DDX60: variants seen among roughly 807,000 people sequenced by gnomAD.
DDX60 encodes probable ATP-dependent RNA helicase DDX60.
DDX60 carries 165 observed loss-of-function variants against 212.8 expected under a neutral mutation model. That is an observed-to-expected ratio of 0.78 (90% CI 0.68 to 0.88). The LOEUF is 0.88. Among genes scored for constraint, DDX60 ranks in the 40% least tolerant of loss-of-function variants. The pLI is 0.00. For missense variants in DDX60, 1,905 were observed against 2,003.9 expected, an observed-to-expected ratio of 0.95 and a Z score of 0.94; for synonymous variants, 703 against 685.3, an observed-to-expected ratio of 1.03 and a Z score of -0.40.
rs192992174 is a variant in DDX60 at position 168,303,226 on chromosome 4, C to T, written c.607-810G>A. On this transcript the variant is annotated intron_variant, in intron 5 of 37. Transcript: ENST00000393743. ...CTGAGGTAGGAGAATGGCGAGAACC[C>T]GGGAGGCGGAGCTTGCAGTGAGCTG... Among the ~76,000 whole-genome samples, 727 of 150,514 alleles carry T rather than the reference C, an allele frequency of 4.8e-3. 6 individuals carry two copies. Among genetic ancestry groups the T allele is most frequent in the Non-Finnish European group, 7.8e-3 (526 of 67,764 alleles).
intron 34 of DDX60, 147 bp downstream of exon 34, chr4:168,225,382 T>A (rs1198532261): frequency 1.2e-6 from 1 of 829,840 alleles, no homozygotes; most frequent in African/African-American, 1.8e-5. Context: ...ATAAGCAAAA[T>A]TTTTTTCTTT....
chr4:168,249,436 C>G (rs908919718), intron 28 of DDX60, among the ~76,000 whole-genome samples: 1 of 151,956 alleles, frequency 6.6e-6, no homozygotes, highest in African/African-American at 2.4e-5. Flanking sequence ...TATATATCTG[C>G]GAAAATGCAA....
chr4:168,299,358 T>C (rs514607), intron 6 of DDX60, among the ~76,000 whole-genome samples: 6,677 of 151,798 alleles, frequency 0.044, 357 homozygotes, highest in African/African-American at 0.13. Context: ...TTTCACTAAA[T>C]ATGTTTAACA....
At chr4:168,249,099 T>C (rs922922185) in intron 28 of DDX60, among the ~76,000 whole-genome samples, 3 of 152,146 alleles carry the variant, frequency 2.0e-5, no homozygotes, top group Non-Finnish European at 4.4e-5. Context: ...AAGAAAATTT[T>C]TTATGATAGG....
chr4:168,221,933 A>G (rs1280821675), intron 35 of DDX60, 52 bp from the exon 36 acceptor site: 3 of 1,533,286 alleles, frequency 2.0e-6, no homozygotes, highest in East Asian at 2.4e-5. Flanking sequence ...AAGAAAGTTG[A>G]TAATTTCTTA....
At chr4:168,298,561 T>C (rs768207342) in intron 6 of DDX60, among the ~76,000 whole-genome samples, 1 of 152,052 alleles carries the variant, frequency 6.6e-6, no homozygotes, top group Non-Finnish European at 1.5e-5. Context: ...TGAAAAATTA[T>C]CCAACATATG....
At chr4:168,265,853 AAG>A (rs1470015229) in intron 22 of DDX60, among the ~76,000 whole-genome samples, 29 of 120,560 alleles carry the variant, frequency 2.4e-4, no homozygotes, top group Non-Finnish European at 3.3e-5. Flanking sequence ...AAGGGAAGGG[AAG>A]GGAAGGGAAG....
chr4:168,222,801 G>A (rs1359988272), intron 35 of DDX60, among the ~76,000 whole-genome samples: 1 of 151,952 alleles, frequency 6.6e-6, no homozygotes, highest in Non-Finnish European at 1.5e-5. Context: ...AGAAACTATT[G>A]CACATACGCA....
intron 1 of DDX60, among the ~76,000 whole-genome samples, chr4:168,313,990 T>C (rs1737252236): frequency 6.6e-6 from 1 of 152,212 alleles, no homozygotes; most frequent in African/African-American, 2.4e-5. Context: ...CAATCCCTCC[T>C]TAATTTGACA....
intron 35 of DDX60, among the ~76,000 whole-genome samples, chr4:168,222,897 T>A (rs1409306175): frequency 6.6e-6 from 1 of 152,046 alleles, no homozygotes; most frequent in Non-Finnish European, 1.5e-5. Context: ...ATTAACAGGC[T>A]GTTTGATATT....
chr4:168,309,832 AAAT>A (rs1737052808), intron 3 of DDX60, among the ~76,000 whole-genome samples: 1 of 152,122 alleles, frequency 6.6e-6, no homozygotes, highest in Non-Finnish European at 1.5e-5. Context: ...AAAAAGTCAC[AAAT>A]AATATTTATT....
At position 168,275,453 on chromosome 4, in the gene DDX60, G is replaced by A. The variant is rs143243412; in HGVS notation, c.2196C>T (p.Gly732=). The change falls in exon 16 of 38, where the codon GGC becomes GGT. Residue 732 remains glycine (G), a synonymous_variant. Coordinates refer to ENST00000393743, the MANE Select transcript of DDX60 (RefSeq NM_017631.6). The part of the protein sequence containing the change: ...KVKKRNKYSV[G]IGPARFQLQY... ...GCAGTTGGAACCGAGCTGGCCCAAT[G>A]CCAACTGAATATTTATTCCTTTTCT... 208 of 1,610,974 alleles carry A rather than the reference G, an allele frequency of 1.3e-4. 5 individuals are homozygous for A. The East Asian group carries it at 2.7e-3, about 21-fold the overall frequency.
chr4:168,255,599 T>A lies in DDX60; in HGVS notation c.3557+112A>T, dbSNP rs1003738395. ...CAAATGTACTCAATTTAGAAATAAG[T>A]CCAAGCGACAACTAGAACTTATTTA... On this transcript the variant is annotated intron_variant, in intron 26 of 37. Transcript: ENST00000393743. 6 of 913,492 alleles carry A rather than the reference T, an allele frequency of 6.6e-6. No homozygotes were observed. In the African/African-American group the frequency reaches 1.0e-4, roughly 16 times the overall value. 56.6% of individuals were successfully genotyped at this position (913,492 alleles called of 1,614,324 possible). A position where few individuals can be genotyped will look rare whatever the true frequency, so the allele number is the denominator to read the frequency against.
intron 30 of DDX60, among the ~76,000 whole-genome samples, chr4:168,238,041 G>T (rs1733691841): frequency 6.6e-6 from 1 of 151,856 alleles, no homozygotes; most frequent in Admixed American, 6.6e-5. Flanking sequence ...AGCCATTCCA[G>T]TTCAAGAGTT....
rs546800269 is a variant in DDX60, at chr4:168,254,787, A to G, written c.3557+924T>C. Among the ~76,000 whole-genome samples, 5 of 152,256 alleles carry G rather than the reference A, an allele frequency of 3.3e-5. No homozygotes were observed. In the East Asian group the frequency reaches 9.7e-4, roughly 29 times the overall value. On this transcript the variant is annotated intron_variant, in intron 26 of 37. Coordinates refer to ENST00000393743, the MANE Select transcript of DDX60 (RefSeq NM_017631.6). ...AAAGGGAGCAATCAGGAAGGAGGGC[A>G]CTCAAGGCAGATGGGTCAGTTCATG...
upstream of DDX60, among the ~76,000 whole-genome samples, chr4:168,322,761 CAT>C (rs1271621685): frequency 6.6e-6 from 1 of 152,206 alleles, no homozygotes; most frequent in Non-Finnish European, 1.5e-5. Flanking sequence ...TTATTAGTCA[CAT>C]GTCCTCCCAG....
chr4:168,267,682 C>T lies in DDX60; in HGVS notation c.2939G>A (p.Gly980Glu), dbSNP rs1734907533. Residue 980 changes from glycine to glutamate, a missense_variant, in exon 22 of 38, where the codon GGA becomes GAA. Coordinates refer to ENST00000393743, the MANE Select transcript of DDX60 (RefSeq NM_017631.6). ...CTTCTCTAGATCATTATACCTCTCT[C>T]CATAGAGCACTAAAAATGAAGAACA... is the stretch of plus-strand genomic sequence containing the variant. ...QSYKVRLVLY[G>E]ERYNDLEKHV... 6.3e-7 allele frequency: 1 copy of T among 1,582,706 alleles called. No homozygotes were observed. The highest frequency in any genetic ancestry group is 1.2e-5 in the South Asian group (1 of 84,462).
intron 33 of DDX60, among the ~76,000 whole-genome samples, chr4:168,231,491 C>G (rs370538541): frequency 1.1e-4 from 16 of 151,808 alleles, no homozygotes; most frequent in East Asian, 5.8e-4. Context: ...CAGAATCCAA[C>G]AGCAGATCAA....
At chr4:168,277,796 G>A (rs1405619806) in intron 14 of DDX60, among the ~76,000 whole-genome samples, 24 of 136,152 alleles carry the variant, frequency 1.8e-4, no homozygotes, top group Admixed American at 1.4e-3. Flanking sequence ...GCGAAAGAGC[G>A]AGACTCCATC....
Sources: gnomAD v4.1 joint callset for allele counts (sites outside exome capture counted in the v4.1 genomes callset) on GRCh38, gnomAD v4.1.1 for gene constraint, MANE v1.5 for transcripts, NCBI Gene and HGNC (gene_info 2026-07-23, HGNC 2026-07-21) for gene names.